Variants in PSMA1 observed in about 807,000 individuals in gnomAD.
PSMA1 encodes the protein proteasome 20S subunit alpha 1.
In PSMA1, 3 loss-of-function variants were observed where a neutral mutation model predicts 38.4. That is an observed-to-expected ratio of 0.08 (90% CI 0.04 to 0.20). The LOEUF (loss-of-function observed/expected upper bound fraction) is 0.20. Among genes scored for constraint, PSMA1 ranks in the 10% least tolerant of loss-of-function variants. PSMA1 has a pLI of 1.00. For synonymous variants in PSMA1, 101 were observed against 107.1 expected, an observed-to-expected ratio of 0.94 and a Z score of 0.35; for missense variants, 227 against 325.3, an observed-to-expected ratio of 0.70 and a Z score of 2.32.
chr11:14,634,755 G>T (rs1382012236), intron 1 of PSMA1, among the ~76,000 whole-genome samples: 1 of 152,174 alleles, frequency 6.6e-6, no homozygotes, highest in Non-Finnish European at 1.5e-5. Flanking sequence ...AATGTATGCA[G>T]GGAATGAAGC....
Position 14,588,872 on chromosome 11 carries a change from C to T in PSMA1, c.21+22094G>A, listed in dbSNP as rs149750732. Among the ~76,000 whole-genome samples the T allele has an allele frequency of 2.2e-3, 335 of 152,322 alleles. 2 individuals carry two copies. The highest frequency in any genetic ancestry group is 3.7e-3 in the Non-Finnish European group (255 of 68,028). On this transcript the variant is annotated intron_variant, in intron 2 of 10. Coordinates refer to the PSMA1 transcript ENST00000418988. Reference sequence around the variant, plus strand: ...TTCTGTTGCTTGAATAGGCCAACCACGCCCTGGTTCTGACTCAAGGCCTTT... The same window carrying T: ...TTCTGTTGCTTGAATAGGCCAACCATGCCCTGGTTCTGACTCAAGGCCTTT...
intron 2 of PSMA1, among the ~76,000 whole-genome samples, chr11:14,572,125 G>C (rs140227846): frequency 1.4e-3 from 210 of 152,220 alleles, no homozygotes; most frequent in African/African-American, 4.6e-3. Context: ...AGTTAACAAG[G>C]ATATCCAGGA....
chr11:14,510,085 T>C (rs947422081), intron 8 of PSMA1, among the ~76,000 whole-genome samples: 1 of 152,194 alleles, frequency 6.6e-6, no homozygotes, highest in Non-Finnish European at 1.5e-5. Flanking sequence ...AATCATGGTA[T>C]TCCTCTGCTC....
chr11:14,524,853 G>A (rs1851569599), upstream of PSMA1, among the ~76,000 whole-genome samples: 1 of 152,106 alleles, frequency 6.6e-6, no homozygotes, highest in African/African-American at 2.4e-5. Flanking sequence ...CTGGAAATCA[G>A]ACTATCCAAC....
intron 2 of PSMA1, among the ~76,000 whole-genome samples, chr11:14,574,146 G>C (rs1012194020): frequency 2.6e-5 from 4 of 152,184 alleles, no homozygotes; most frequent in African/African-American, 9.7e-5. Context: ...GGAATTAAAG[G>C]AGGCTGCAGA....
intron 2 of PSMA1, among the ~76,000 whole-genome samples, chr11:14,545,703 A>G (rs747681205): frequency 1.3e-5 from 2 of 152,224 alleles, no homozygotes; most frequent in Non-Finnish European, 1.5e-5. Context: ...ATTAACTACC[A>G]TAATTTTGAA....
intron 7 of PSMA1, among the ~76,000 whole-genome samples, chr11:14,512,465 C>T (rs1375098819): frequency 1.3e-5 from 2 of 151,970 alleles, no homozygotes; most frequent in African/African-American, 2.4e-5. Context: ...AGTAGCAGTA[C>T]TCCCCAAAAT....
rs780607757 is a variant in PSMA1, at chr11:14,517,693, T to C, written c.203A>G (p.Asn68Ser). The C allele has an allele frequency of 3.1e-6, 5 of 1,609,940 alleles. No individual in the cohort carries two copies. The highest frequency in any genetic ancestry group is 2.2e-5 in the East Asian group (1 of 44,820). The change falls in exon 4 of 10, where the codon AAC (asparagine) becomes AGC (serine). Residue 68 changes from asparagine (N) to serine (S), a missense_variant. Physicochemically the swap from Asn to Ser is conservative, Grantham distance 46. Coordinates refer to ENST00000396394, the MANE Select transcript of PSMA1 (RefSeq NM_002786.4). ...CCCCGCAATTGAGATACCAATATGG[T>C]TGTCAACATGGAGAATTTTTTTCTG... is the stretch of plus-strand genomic sequence containing the variant. ...AHQKKILHVD[N>S]HIGISIAGLT...
chr11:14,553,025 A>G lies in PSMA1; in HGVS notation c.22-33984T>C, dbSNP rs943793458. On this transcript the variant is annotated intron_variant, in intron 2 of 10. Coordinates refer to the PSMA1 transcript ENST00000418988. Reference sequence around the variant, plus strand: ...CTTTTTGTAGAGATGAGTTCTTCCAATGTTGCCCAGGCTGATCTCGAATTC... The same window carrying G: ...CTTTTTGTAGAGATGAGTTCTTCCAGTGTTGCCCAGGCTGATCTCGAATTC... 1.7e-4 allele frequency among the ~76,000 whole-genome samples: 26 copies of G among 151,952 alleles called. No homozygotes were observed. The East Asian group carries it at 4.6e-3, about 27-fold the overall frequency.
chr11:14,607,705 G>T (rs1478847466), intron 2 of PSMA1, among the ~76,000 whole-genome samples: 2 of 151,656 alleles, frequency 1.3e-5, no homozygotes, highest in East Asian at 3.9e-4. Context: ...CAAGAAGAGA[G>T]GGAAGGAAGG....
intron 9 of PSMA1, among the ~76,000 whole-genome samples, chr11:14,506,463 G>C (rs1277754096): frequency 6.6e-6 from 1 of 151,586 alleles, no homozygotes; most frequent in Non-Finnish European, 1.5e-5. Context: ...TCCTTTCCAA[G>C]TTAAAAAAAC....
At chr11:14,582,327 A>C (rs1852290560) in intron 2 of PSMA1, among the ~76,000 whole-genome samples, 1 of 152,168 alleles carries the variant, frequency 6.6e-6, no homozygotes. Context: ...TGTTGATTGT[A>C]ACCTGGCTTT....
At chr11:14,520,521 G>C, upstream of PSMA1, 1 of 1,408,930 alleles carries the variant, frequency 7.1e-7, no homozygotes, top group African/African-American at 1.4e-5. Flanking sequence ...GAAGATCTAG[G>C]AACTGAGACT....
intron 2 of PSMA1, among the ~76,000 whole-genome samples, chr11:14,579,569 C>T (rs1852259222): frequency 6.7e-6 from 1 of 149,986 alleles, no homozygotes; most frequent in Admixed American, 6.7e-5. Context: ...TTTTTGGGGC[C>T]AACTTTCGAC....
intron 9 of PSMA1, among the ~76,000 whole-genome samples, chr11:14,505,884 T>C (rs551011189): frequency 2.0e-4 from 30 of 152,170 alleles, no homozygotes; most frequent in African/African-American, 7.0e-4. Context: ...CACACACCTG[T>C]AGTTTCAGCT....
chr11:14,512,991 C>A (rs1851369901), intron 7 of PSMA1, among the ~76,000 whole-genome samples: 1 of 152,186 alleles, frequency 6.6e-6, no homozygotes, highest in African/African-American at 2.4e-5. Flanking sequence ...CACTAAACCC[C>A]AAATATTTCC....
intron 2 of PSMA1, among the ~76,000 whole-genome samples, chr11:14,557,098 G>T (rs1451645583): frequency 6.6e-6 from 1 of 152,182 alleles, no homozygotes; most frequent in East Asian, 1.9e-4. Context: ...GCCTCCCAAA[G>T]TTCTGGGAAT....
Position 14,583,036 on chromosome 11 carries a change from G to T in PSMA1, c.21+27930C>A, listed in dbSNP as rs139311762. 6.1e-3 allele frequency among the ~76,000 whole-genome samples: 923 copies of T among 152,202 alleles called. 8 individuals are homozygous for T. The highest frequency in any genetic ancestry group is 8.9e-3 in the South Asian group (43 of 4,820). On this transcript the variant is annotated intron_variant, in intron 2 of 10. Coordinates refer to the PSMA1 transcript ENST00000418988. ...AACAGCTCTGCGCTCACGTAATTCG[G>T]TGCTTTAAAAGGCCATGTTTTATTT...
upstream of PSMA1, among the ~76,000 whole-genome samples, chr11:14,520,975 T>G (rs534628397): frequency 2.6e-4 from 40 of 152,346 alleles, no homozygotes; most frequent in African/African-American, 9.6e-4. Flanking sequence ...TTATGATTGA[T>G]TTCTTCCACC....
Sources: gnomAD v4.1 joint callset for allele counts (sites outside exome capture counted in the v4.1 genomes callset) on GRCh38, gnomAD v4.1.1 for gene constraint, MANE v1.5 for transcripts, NCBI Gene and HGNC (gene_info 2026-07-23, HGNC 2026-07-21) for gene names.